The following ASIC2 variants were observed in gnomAD, a reference collection of about 807,000 sequenced individuals.
The protein encoded by ASIC2 is acid-sensing ion channel 2.
A neutral mutation model predicts 57.3 loss-of-function variants in ASIC2; 25 were observed. The ratio of observed to expected loss-of-function variants is 0.44; its 90% confidence interval spans 0.32 to 0.61. The LOEUF (loss-of-function observed/expected upper bound fraction) is 0.61, where lower values mean the gene tolerates loss of function less well. Ranked by LOEUF, ASIC2 falls within the 20% of genes least tolerant of loss-of-function variation. ASIC2 has a pLI of 0.06. For missense variants in ASIC2, 641 were observed against 738.1 expected (o/e 0.87, Z 1.52); for synonymous variants, 319 against 307.5 (o/e 1.04, Z -0.39).
chr17:33,605,208 G>A (rs935160762), intron 1 of ASIC2, among the ~76,000 whole-genome samples: 2 of 152,134 alleles, frequency 1.3e-5, no homozygotes, highest in East Asian at 1.9e-4. Context: ...TGTGTCTGCC[G>A]GCATGGCAAG....
intron 1 of ASIC2, among the ~76,000 whole-genome samples, chr17:33,368,207 G>C (rs1908897645): frequency 6.6e-6 from 1 of 152,202 alleles, no homozygotes; most frequent in Non-Finnish European, 1.5e-5. Flanking sequence ...GTCATAAAAA[G>C]TGAAATGGTT....
At chr17:34,073,586 C>T (rs1164314347) in intron 1 of ASIC2, among the ~76,000 whole-genome samples, 3 of 152,308 alleles carry the variant, frequency 2.0e-5, no homozygotes, top group African/African-American at 7.2e-5. Context: ...GAAACATTTT[C>T]AAGTATCGGG....
At chr17:33,696,117 A>T (rs1908518083) in intron 1 of ASIC2, among the ~76,000 whole-genome samples, 2 of 152,246 alleles carry the variant, frequency 1.3e-5, no homozygotes, top group Non-Finnish European at 2.9e-5. Context: ...ATGCCAACAC[A>T]TACAAGAATG....
chr17:33,552,232 C>T (rs933037358), intron 1 of ASIC2, among the ~76,000 whole-genome samples: 1 of 152,126 alleles, frequency 6.6e-6, no homozygotes, highest in African/African-American at 2.4e-5. Context: ...TCCTTATAAC[C>T]CAATTTCCAA....
At chr17:33,395,418 G>A (rs752786745) in intron 1 of ASIC2, among the ~76,000 whole-genome samples, 10 of 152,200 alleles carry the variant, frequency 6.6e-5, no homozygotes, top group Non-Finnish European at 1.5e-4. Context: ...GAAAGATCTT[G>A]TGCAGGAAAA....
Position 33,013,979 on chromosome 17 carries a change from C to T in ASIC2, c.1678G>A (p.Glu560Lys), listed in dbSNP as rs560058961. 20 of 1,595,090 alleles carry T rather than the reference C, an allele frequency of 1.3e-5. No individual in the cohort carries two copies. The highest frequency in any genetic ancestry group is 1.7e-5 in the Non-Finnish European group (20 of 1,170,368). Residue 560 changes from glutamate (E) to lysine (K), a missense_variant, in exon 10 of 10, where the codon GAG becomes AAG. Coordinates refer to ENST00000225823, the MANE Select transcript of ASIC2 (RefSeq NM_183377.2). ...CTCGAGGGGTGTCAGCAGGCAATCTCCTCCAAGGTCCCCAGGGTCGTCTGC... is the reference window on the plus strand; with the variant it reads ...CTCGAGGGGTGTCAGCAGGCAATCTTCTCCAAGGTCCCCAGGGTCGTCTGC... Reference protein sequence around the residue: ...PLQTTLGTLEEIAC With the variant: ...PLQTTLGTLEKIAC
intron 1 of ASIC2, among the ~76,000 whole-genome samples, chr17:33,266,251 A>G (rs1347034085): frequency 6.6e-6 from 1 of 152,170 alleles, no homozygotes; most frequent in Non-Finnish European, 1.5e-5. Flanking sequence ...CCCCCCATCC[A>G]GAACATAAAC....
chr17:33,523,868 A>G (rs369200876), intron 1 of ASIC2, among the ~76,000 whole-genome samples: 2 of 152,288 alleles, frequency 1.3e-5, no homozygotes, highest in South Asian at 2.1e-4. Context: ...ACGGAGGGGA[A>G]GTTCCTGCTC....
chr17:34,067,749 A>G (rs1195761543), intron 1 of ASIC2, among the ~76,000 whole-genome samples: 1 of 152,224 alleles, frequency 6.6e-6, no homozygotes, highest in Non-Finnish European at 1.5e-5. Flanking sequence ...TTAAATGGCT[A>G]ACGTGGAAAG....
At chr17:33,141,184 A>G (rs772330175) in intron 1 of ASIC2, among the ~76,000 whole-genome samples, 2 of 152,158 alleles carry the variant, frequency 1.3e-5, no homozygotes, top group Non-Finnish European at 2.9e-5. Context: ...CTCCATCACC[A>G]GATTGAAGGA....
intron 1 of ASIC2, among the ~76,000 whole-genome samples, chr17:33,205,398 T>C (rs1907023640): frequency 6.6e-6 from 1 of 152,144 alleles, no homozygotes; most frequent in South Asian, 2.1e-4. Flanking sequence ...GACAAAAAGG[T>C]TTTCAGTTTT....
chr17:33,771,912 T>C (rs73986173), intron 1 of ASIC2, among the ~76,000 whole-genome samples: 12,156 of 152,256 alleles, frequency 0.08, 563 homozygotes, highest in East Asian at 0.22. Flanking sequence ...TACTATATAC[T>C]AAATGTAGAC....
chr17:33,649,735 C>T, intron 1 of ASIC2, among the ~76,000 whole-genome samples: 1 of 152,008 alleles, frequency 6.6e-6, no homozygotes, highest in East Asian at 1.9e-4. Context: ...CAAATATGTC[C>T]AACAGATTTT....
At chr17:34,076,657 G>A (rs1307781645) in intron 1 of ASIC2, among the ~76,000 whole-genome samples, 2 of 152,068 alleles carry the variant, frequency 1.3e-5, no homozygotes, top group Non-Finnish European at 2.9e-5. Context: ...CCATGTGGTC[G>A]CCCAACCTAA....
At chr17:33,261,774 G>T (rs79545114) in intron 1 of ASIC2, among the ~76,000 whole-genome samples, 8,085 of 152,234 alleles carry the variant, frequency 0.053, 222 homozygotes, top group Non-Finnish European at 0.064. Flanking sequence ...CAGAAAGTCT[G>T]CTCCAGAATC....
chr17:34,027,262 C>T (rs368215446), intron 1 of ASIC2, among the ~76,000 whole-genome samples: 1 of 152,196 alleles, frequency 6.6e-6, no homozygotes, highest in Non-Finnish European at 1.5e-5. Flanking sequence ...TTACCCCCAC[C>T]TGAAAATATC....
chr17:33,476,390 C>T (rs773495067), intron 1 of ASIC2, among the ~76,000 whole-genome samples: 1 of 151,930 alleles, frequency 6.6e-6, no homozygotes, highest in Non-Finnish European at 1.5e-5. Flanking sequence ...CTTATTTATC[C>T]ACTTCCTTAT....
chr17:33,330,978 C>T (rs202215936), intron 1 of ASIC2, among the ~76,000 whole-genome samples: 3 of 152,092 alleles, frequency 2.0e-5, no homozygotes, highest in Non-Finnish European at 4.4e-5. Flanking sequence ...GGGTCCCCAA[C>T]CCCTGGGCTA....
rs760188782 is a variant in ASIC2, at chr17:34,156,238, A to C, written c.295T>G (p.Phe99Val). 2.5e-6 allele frequency: 4 copies of C among 1,613,910 alleles called. No individual in the cohort carries two copies. The highest frequency in any genetic ancestry group is 1.3e-5 in the African/African-American group (1 of 74,862). ...AGGTCATTGGTGGTGAGCCTGGAGA[A>C]CCGGAAGCCATTCAGGTTACAGAGG... Residue 99 changes from phenylalanine (F) to valine (V), a missense_variant, in exon 1 of 10, where the codon TTC becomes GTC. Coordinates refer to the ASIC2 transcript ENST00000359872. This position sits in a 1 kb window ranked among gnomAD's most constrained non-coding sequence, Gnocchi z 4.4.
Sources: allele counts gnomAD v4.1 joint callset (sites outside exome capture counted in the v4.1 genomes callset), GRCh38; gene constraint gnomAD v4.1.1; non-coding constraint Gnocchi (gnomAD v3.1); transcripts MANE v1.5; gene names NCBI Gene and HGNC (gene_info 2026-07-23, HGNC 2026-07-21).